Variants in CLEC18B observed in about 807,000 individuals in gnomAD.
CLEC18B encodes the protein mannose receptor-like 2.
Under a neutral mutation model 60.4 loss-of-function variants are expected in CLEC18B, and 5 were observed. The observed-to-expected ratio is 0.08, with a 90% confidence interval of 0.04 to 0.17. The LOEUF is 0.17. Among genes scored for constraint, CLEC18B ranks in the 10% least tolerant of loss-of-function variants. CLEC18B has a pLI of 1.00. For synonymous variants in CLEC18B, 16 were observed against 221.2 expected (o/e 0.07, Z 8.23); for missense variants, 26 against 572.8 (o/e 0.05, Z 9.74).
chr16:74,413,736 C>T (rs1238481983), intron 3 of CLEC18B, 60 bp from the exon 4 acceptor site: 1 of 1,610,828 alleles, frequency 6.2e-7, no homozygotes, highest in Non-Finnish European at 8.5e-7. Flanking sequence ...GAGGGGGACA[C>T]AGCTTTCGCT....
At chr16:74,418,870 T>G (rs992243327) in intron 2 of CLEC18B, among the ~76,000 whole-genome samples, 1 of 148,700 alleles carries the variant, frequency 6.7e-6, no homozygotes, top group Non-Finnish European at 1.5e-5. Flanking sequence ...CCCGGCTTAC[T>G]GCAACCTCCG....
intron 2 of CLEC18B, among the ~76,000 whole-genome samples, chr16:74,418,819 A>T (rs2013542611): frequency 7.4e-6 from 1 of 135,538 alleles, no homozygotes; most frequent in South Asian, 2.3e-4. Context: ...TTTGAGACAG[A>T]GTCTCACCCT....
chr16:74,421,565 G>A (rs1002323828), upstream of CLEC18B: 41 of 452,216 alleles, frequency 9.1e-5, no homozygotes, highest in Non-Finnish European at 2.7e-5. Flanking sequence ...ACTGCCCCGC[G>A]GCCCCTGCTA....
At chr16:74,423,514 T>C (rs1268878533), upstream of CLEC18B, among the ~76,000 whole-genome samples, 3 of 152,186 alleles carry the variant, frequency 2.0e-5, no homozygotes, top group African/African-American at 7.2e-5. Context: ...CATGGTGAAA[T>C]CCTGTCTCTA....
chr16:74,420,464 A>AC (rs2013631734), intron 2 of CLEC18B, 37 bp downstream of exon 2: 2 of 519,516 alleles, frequency 3.8e-6, no homozygotes, highest in Non-Finnish European at 6.7e-6. Flanking sequence ...GCCTCCGGCC[A>AC]CCCCCCTGGC....
chr16:74,419,193 C>G lies in CLEC18B; in HGVS notation c.217-895G>C, dbSNP rs1402478238. 2.0e-5 allele frequency among the ~76,000 whole-genome samples: 3 copies of G among 152,290 alleles called. No homozygotes were observed. In the South Asian group the frequency reaches 6.2e-4, roughly 32 times the overall value. On this transcript the variant is annotated intron_variant, in intron 2 of 11. Coordinates refer to ENST00000682950, the MANE Select transcript of CLEC18B (RefSeq NM_001385193.1). ...GAGACTCCCTGAGCTCATCTGTAAA[C>G]GGAGCAGGGAGGTGCCTGCAGGATA...
intron 2 of CLEC18B, among the ~76,000 whole-genome samples, chr16:74,419,547 G>A: frequency 6.7e-6 from 1 of 149,624 alleles, no homozygotes; most frequent in South Asian, 2.2e-4. Context: ...CCTGGAAAGG[G>A]TGCCAGCTGC....
chr16:74,413,322 G>A (rs1650088694), intron 4 of CLEC18B, among the ~76,000 whole-genome samples, 164 bp from the exon 5 acceptor site: 1 of 152,288 alleles, frequency 6.6e-6, no homozygotes, highest in Non-Finnish European at 1.5e-5. Context: ...GAGAAGAGAT[G>A]GCCTCCAAAC....
chr16:74,412,030 T>C lies in CLEC18B; in HGVS notation c.877+124A>G, dbSNP rs1567429538. On this transcript the variant is annotated intron_variant, in intron 7 of 11. Transcript: ENST00000682950. ...CCATGCTGTGGCCAGTTTCAAGATC[T>C]CAACGTGTTGTCACTGAATGAGTTG... 6.9e-6 allele frequency: 5 copies of C among 727,428 alleles called. No individual in the cohort carries two copies. In the South Asian group the frequency reaches 7.6e-5, roughly 11 times the overall value. 45.1% of individuals were successfully genotyped at this position (727,428 alleles called of 1,614,324 possible). A position where few individuals can be genotyped will look rare whatever the true frequency, so the allele number is the denominator to read the frequency against.
intron 3 of CLEC18B, among the ~76,000 whole-genome samples, chr16:74,416,360 G>C (rs1356342976): frequency 1.3e-5 from 2 of 152,098 alleles, no homozygotes; most frequent in Non-Finnish European, 2.9e-5. Flanking sequence ...GCAGCACCTA[G>C]TTGTAGGGGC....
Position 74,412,885 on chromosome 16 carries a change from T to A in CLEC18B, c.677-5A>T. On this transcript the variant is annotated splice_polypyrimidine_tract_variant and splice_region_variant and intron_variant, in intron 5 of 11. Coordinates refer to ENST00000682950, the MANE Select transcript of CLEC18B (RefSeq NM_001385193.1). ...GACAAGGATTCCTGGGGACCTCTGG[T>A]CAGAGGAGGAGGGGACTCTGAGAAA... The A allele has an allele frequency of 6.2e-7, 1 of 1,612,104 alleles. No homozygotes were observed.
chr16:74,419,959 G>A (rs1318194242), intron 2 of CLEC18B, among the ~76,000 whole-genome samples: 3 of 152,242 alleles, frequency 2.0e-5, no homozygotes, highest in African/African-American at 7.2e-5. Flanking sequence ...CGGGCTGGTG[G>A]GGAACTCTAT....
Position 74,409,641 on chromosome 16 carries a change from C to G in CLEC18B, c.1212G>C (p.Gly404=), listed in dbSNP as rs1388178493. 1.2e-6 allele frequency: 2 copies of G among 1,613,972 alleles called. No homozygotes were observed. Among genetic ancestry groups the G allele is most frequent in the African/African-American group, 2.7e-5 (2 of 74,958 alleles). Residue 404 remains glycine (G), a splice_region_variant and synonymous_variant, in exon 11 of 12, where the codon GGG becomes GGC. Transcript: ENST00000682950. The part of the protein sequence containing the change: ...SFAFGQPDNH[G]FGNCVELQAS... ...CCTGCAGCTCCACGCAGTTGCCAAA[C>G]CTGCAGGCCAGGGTGTGGTGGTCAG... is the stretch of plus-strand genomic sequence containing the variant.
intron 2 of CLEC18B, among the ~76,000 whole-genome samples, chr16:74,418,796 CTTCT>C (rs2013540942): frequency 6.6e-6 from 1 of 150,698 alleles, no homozygotes; most frequent in East Asian, 2.0e-4. Flanking sequence ...CCCCCTCCCT[CTTCT>C]TTTTTTTTTT....
upstream of CLEC18B, among the ~76,000 whole-genome samples, chr16:74,423,424 C>A (rs1383410326): frequency 2.6e-5 from 4 of 152,290 alleles, no homozygotes; most frequent in Non-Finnish European, 5.9e-5. Context: ...TGTGATGGCT[C>A]ATGCCTGTAA....
At chr16:74,414,939 TAAAG>T (rs2013354685) in intron 3 of CLEC18B, among the ~76,000 whole-genome samples, 1 of 152,150 alleles carries the variant, frequency 6.6e-6, no homozygotes, top group Non-Finnish European at 1.5e-5. Context: ...ATCCAACACT[TAAAG>T]AATATGTATC....
rs749418020 is a variant in CLEC18B, at chr16:74,413,590, G to C, written c.543C>G (p.Ala181=). The C allele has an allele frequency of 6.2e-7, 1 of 1,613,788 alleles. No individual in the cohort carries two copies. The highest frequency in any genetic ancestry group is 1.1e-5 in the South Asian group (1 of 91,086). ...GTAGCAGGGCTTACCCGGGGGAGTA[G>C]GCACAGACAAAGGCTTCTATCGCTG... ...GQTAIEAFVC[A]YSPGGNWEVN... Residue 181 remains alanine (A), a synonymous_variant, in exon 4 of 12, where the codon GCC becomes GCG. Coordinates refer to ENST00000682950, the MANE Select transcript of CLEC18B (RefSeq NM_001385193.1).
At chr16:74,418,835 C>T (rs1453853971) in intron 2 of CLEC18B, among the ~76,000 whole-genome samples, 2 of 150,162 alleles carry the variant, frequency 1.3e-5, no homozygotes, top group East Asian at 2.0e-4. Context: ...ACCCTGTCGC[C>T]CAGGCTGGAG....
At chr16:74,419,148 G>A (rs1428439013) in intron 2 of CLEC18B, among the ~76,000 whole-genome samples, 2 of 152,274 alleles carry the variant, frequency 1.3e-5, no homozygotes, top group Non-Finnish European at 2.9e-5. Flanking sequence ...GGGTGACTTG[G>A]TGCAGTCCCC....
Sources: allele counts gnomAD v4.1 joint callset (sites outside exome capture counted in the v4.1 genomes callset), GRCh38; gene constraint gnomAD v4.1.1; transcripts MANE v1.5; gene names NCBI Gene and HGNC (gene_info 2026-07-23, HGNC 2026-07-21).